Variants in DNAH8 observed in about 807,000 individuals in gnomAD.
The protein encoded by DNAH8 is dynein axonemal heavy chain 8, also known as axonemal beta dynein heavy chain 8.
DNAH8 carries 382 observed loss-of-function variants against 562.1 expected under a neutral mutation model. The ratio of observed to expected loss-of-function variants is 0.68; its 90% CI spans 0.63 to 0.74. The LOEUF is 0.74. Ranked by LOEUF, DNAH8 falls within the 30% of genes least tolerant of loss-of-function variation. DNAH8 has a pLI of 0.00. For missense variants in DNAH8, 5,203 were observed against 5,620.4 expected (o/e 0.93, Z 2.37); for synonymous variants, 1,881 against 1,919.4 (o/e 0.98, Z 0.52).
At position 38,737,840 on chromosome 6, in the gene DNAH8, G is replaced by T; in HGVS notation, c.984G>T (p.Lys328Asn). Reference protein sequence around the residue: ...GARISIEGTVKLKTIDNVNFS... With the variant: ...GARISIEGTVNLKTIDNVNFS... ...GAATAAGTATTGAGGGAACAGTGAA[G>T]TTAAAGACAATAGACAATGTTAATT... The change falls in exon 7 of 93, where the codon AAG becomes AAT. Residue 328 changes from lysine to asparagine, a missense_variant. Coordinates refer to ENST00000327475, the MANE Select transcript of DNAH8 (RefSeq NM_001206927.2). 2 of 1,568,760 alleles carry T rather than the reference G, an allele frequency of 1.3e-6. No individual in the cohort carries two copies. The highest frequency in any genetic ancestry group is 1.7e-6 in the Non-Finnish European group (2 of 1,161,122).
At chr6:38,961,598 G>A (rs1762607443) in intron 82 of DNAH8, among the ~76,000 whole-genome samples, 1 of 151,968 alleles carries the variant, frequency 6.6e-6, no homozygotes, top group Admixed American at 6.5e-5. Context: ...TTCTCCTTAA[G>A]CTATCATACT....
rs769097965 is a variant in DNAH8 at position 38,872,597 on chromosome 6, A to G, written c.7052A>G (p.Lys2351Arg). The change falls in exon 50 of 93, where the codon AAG becomes AGG. Residue 2351 changes from lysine (K) to arginine (R), a missense_variant. Physicochemically the swap from Lys to Arg is conservative, Grantham distance 26. This residue lies in a region of DNAH8 where 2,176 missense variants were observed against 2,365.1 expected (regional missense o/e 0.92). Transcript: ENST00000327475. ...ACTCTTGGGCCCAGTGGTTCTGGAAAGACAACCGTTATCACGATTCTAATG... is the reference window on the plus strand; with the variant it reads ...ACTCTTGGGCCCAGTGGTTCTGGAAGGACAACCGTTATCACGATTCTAATG... ...LMTLGPSGSG[K>R]TTVITILMKA... 4.3e-6 allele frequency: 7 copies of G among 1,614,120 alleles called. No individual in the cohort carries two copies. Among genetic ancestry groups the G allele is most frequent in the Non-Finnish European group, 5.9e-6 (7 of 1,179,970 alleles).
At chr6:38,727,496 C>T (rs1763322392) in intron 3 of DNAH8, among the ~76,000 whole-genome samples, 1 of 152,212 alleles carries the variant, frequency 6.6e-6, no homozygotes, top group East Asian at 1.9e-4. Flanking sequence ...GAGCAGCCTG[C>T]ATCTCCAGTT....
chr6:38,907,055 C>T (rs1272956830), intron 63 of DNAH8, among the ~76,000 whole-genome samples: 2 of 152,032 alleles, frequency 1.3e-5, no homozygotes, highest in African/African-American at 2.4e-5. Flanking sequence ...CATTGTGGTC[C>T]CAAGCATTTT....
chr6:38,716,124 A>C (rs1160704566), intron 1 of DNAH8, among the ~76,000 whole-genome samples: 1 of 149,718 alleles, frequency 6.7e-6, no homozygotes, highest in Non-Finnish European at 1.5e-5. Flanking sequence ...ACGCCCGGCT[A>C]ATTTTTTTTG....
chr6:38,898,496 G>A, intron 61 of DNAH8, 116 bp downstream of exon 61: 1 of 813,394 alleles, frequency 1.2e-6, no homozygotes, highest in Non-Finnish European at 1.7e-6. Flanking sequence ...ATAGAAGACT[G>A]TACATAGGTT....
chr6:38,726,302 G>C (rs13213195), intron 3 of DNAH8, among the ~76,000 whole-genome samples: 68 of 152,172 alleles, frequency 4.5e-4, no homozygotes, highest in African/African-American at 1.5e-3. Flanking sequence ...ACTAAGATGT[G>C]GGGGGGAGAT....
chr6:38,947,798 A>G (rs1761555026), intron 80 of DNAH8, among the ~76,000 whole-genome samples: 3 of 151,026 alleles, frequency 2.0e-5, no homozygotes, highest in Non-Finnish European at 4.4e-5. Context: ...CCCAGGCTGG[A>G]GTGCAATGGC....
At chr6:38,899,415 A>G (rs1267445191) in intron 61 of DNAH8, among the ~76,000 whole-genome samples, 2 of 152,234 alleles carry the variant, frequency 1.3e-5, no homozygotes, top group African/African-American at 2.4e-5. Flanking sequence ...ACAATTGTAA[A>G]CATTTCTTAT....
chr6:38,873,753 C>CACACACACACACACACAT (rs1554123987), intron 52 of DNAH8, among the ~76,000 whole-genome samples: 41 of 99,178 alleles, frequency 4.1e-4, no homozygotes, highest in South Asian at 7.0e-4. Context: ...CACACACACA[C>CACACACACACACACACAT]ACACACACAC....
intron 32 of DNAH8, among the ~76,000 whole-genome samples, chr6:38,835,678 A>C (rs1774219527): frequency 6.6e-6 from 1 of 152,108 alleles, no homozygotes. Flanking sequence ...GGGGAGATGT[A>C]AGGAGTGCAG....
In DNAH8 at chr6:38,866,751, C is replaced by T; in HGVS notation, c.6586-18C>T. On this transcript the variant is annotated intron_variant, in intron 46 of 92. Coordinates refer to ENST00000327475, the MANE Select transcript of DNAH8 (RefSeq NM_001206927.2). ...TTTTTCACTAAAGTTGAAAAAAACT[C>T]ACTATATTAATTTTCAGATCATTAT... The T allele has an allele frequency of 6.2e-7, 1 of 1,600,680 alleles. No homozygotes were observed. The highest frequency in any genetic ancestry group is 8.5e-7 in the Non-Finnish European group (1 of 1,170,166).
chr6:38,883,167 A>G, intron 54 of DNAH8, 115 bp downstream of exon 54: 2 of 1,337,986 alleles, frequency 1.5e-6, no homozygotes, highest in Admixed American at 2.5e-5. Context: ...TAAATCTGTA[A>G]TACAACTGGG....
At chr6:38,943,862 T>C (rs1372152605) in intron 79 of DNAH8, among the ~76,000 whole-genome samples, 1 of 152,160 alleles carries the variant, frequency 6.6e-6, no homozygotes, top group African/African-American at 2.4e-5. Context: ...GTATTTAACC[T>C]TCACAGCAGC....
At chr6:39,028,554 C>T (rs1767450477) in intron 92 of DNAH8, among the ~76,000 whole-genome samples, 1 of 152,198 alleles carries the variant, frequency 6.6e-6, no homozygotes, top group South Asian at 2.1e-4. Flanking sequence ...TTAGGACCTA[C>T]CTTAATTCAG....
At chr6:38,724,587 G>A (rs1027618581) in intron 3 of DNAH8, among the ~76,000 whole-genome samples, 2 of 152,098 alleles carry the variant, frequency 1.3e-5, no homozygotes, top group Admixed American at 1.3e-4. Flanking sequence ...GACAGTTCTG[G>A]ATTATACCTA....
chr6:38,929,265 C>T, intron 74 of DNAH8: 1 of 305,532 alleles, frequency 3.3e-6, no homozygotes, highest in East Asian at 5.5e-5. Context: ...TGCATCTGAG[C>T]AATGCCCCTT....
chr6:38,806,981 G>T (rs894703614), intron 23 of DNAH8, among the ~76,000 whole-genome samples: 3 of 152,076 alleles, frequency 2.0e-5, no homozygotes, highest in Non-Finnish European at 4.4e-5. Context: ...GGAACAGTAT[G>T]GCCAGAGCCT....
At chr6:38,827,135 C>T (rs554037597) in intron 29 of DNAH8, among the ~76,000 whole-genome samples, 1 of 152,190 alleles carries the variant, frequency 6.6e-6, no homozygotes, top group South Asian at 2.1e-4. Context: ...CACTTCTACC[C>T]CCATTTCTGT....
Sources: gnomAD v4.1 joint callset for allele counts (sites outside exome capture counted in the v4.1 genomes callset) on GRCh38, gnomAD v4.1.1 for gene constraint, gnomAD v4.1.1 regional missense constraint, MANE v1.5 for transcripts, NCBI Gene and HGNC (gene_info 2026-07-23, HGNC 2026-07-21) for gene names.